Variants in GLIS3 observed in about 807,000 individuals in gnomAD.
The protein encoded by GLIS3 is GLIS family zinc finger 3, also known as zinc finger protein GLIS3.
In GLIS3, 53 loss-of-function variants were observed where a neutral mutation model predicts 78.6. The observed-to-expected ratio is 0.67, with a 90% confidence interval of 0.54 to 0.85. The LOEUF is 0.85. Ranked by LOEUF, GLIS3 falls within the 40% of genes least tolerant of loss-of-function variation. The probability of loss-of-function intolerance (pLI) is 0.00; values close to 1 mark genes in which losing one functional copy is unlikely to be tolerated. For missense variants in GLIS3, 1,703 were observed against 1,231.1 expected (o/e 1.38, Z -5.74); for synonymous variants, 684 against 509.9 (o/e 1.34, Z -4.60).
chr9:4,463,727 T>A, the GLIS3 span, among the ~76,000 whole-genome samples: 1 of 152,212 alleles, frequency 6.6e-6, no homozygotes. Flanking sequence ...GGATGCCTTT[T>A]GTCTGAGCTA....
At chr9:4,252,690 T>G (rs1445040474) in intron 2 of GLIS3, among the ~76,000 whole-genome samples, 1 of 152,148 alleles carries the variant, frequency 6.6e-6, no homozygotes, top group African/African-American at 2.4e-5. Context: ...AGAAGAGGTG[T>G]TCTGGGTTTT....
intron 2 of GLIS3, among the ~76,000 whole-genome samples, chr9:4,221,993 G>A (rs143259702): frequency 6.6e-6 from 1 of 152,204 alleles, no homozygotes; most frequent in African/African-American, 2.4e-5. Flanking sequence ...CCTGTGCACA[G>A]AACCAGAAAG....
At chr9:4,206,009 C>T (rs2380947) in intron 2 of GLIS3, among the ~76,000 whole-genome samples, 3 of 151,488 alleles carry the variant, frequency 2.0e-5, no homozygotes, top group Non-Finnish European at 4.4e-5. Context: ...ATGCAAGATA[C>T]CTGAATCTGA....
chr9:4,448,503 C>G, the GLIS3 span, among the ~76,000 whole-genome samples: 1 of 152,214 alleles, frequency 6.6e-6, no homozygotes, highest in Non-Finnish European at 1.5e-5. Flanking sequence ...AGTGATCTCC[C>G]CACTTCAGCC....
At chr9:4,239,283 G>A (rs551025554) in intron 2 of GLIS3, among the ~76,000 whole-genome samples, 3 of 150,746 alleles carry the variant, frequency 2.0e-5, no homozygotes, top group East Asian at 2.0e-4. Context: ...AAACCTGCAC[G>A]TTGTGCACAT....
At chr9:3,936,743 T>G (rs1161788058) in intron 5 of GLIS3, among the ~76,000 whole-genome samples, 1 of 152,214 alleles carries the variant, frequency 6.6e-6, no homozygotes, top group East Asian at 1.9e-4. Flanking sequence ...TAAAATCTAC[T>G]ACATGACAGC....
chr9:3,851,854 G>C (rs1819454405), intron 9 of GLIS3, among the ~76,000 whole-genome samples: 1 of 152,128 alleles, frequency 6.6e-6, no homozygotes, highest in South Asian at 2.1e-4. Flanking sequence ...TTAAGAATAT[G>C]GCTTGGGGCT....
intron 2 of GLIS3, among the ~76,000 whole-genome samples, chr9:4,138,741 C>A (rs1586781107): frequency 6.6e-6 from 1 of 152,180 alleles, no homozygotes; most frequent in African/African-American, 2.4e-5. Flanking sequence ...ATTGTTCCCA[C>A]CTTCATAAGG....
At chr9:3,933,268 T>G (rs1477123517) in intron 5 of GLIS3, among the ~76,000 whole-genome samples, 3 of 152,098 alleles carry the variant, frequency 2.0e-5, no homozygotes, top group African/African-American at 7.2e-5. Context: ...CTCTGCCTCC[T>G]GGGTTCAAGT....
At chr9:4,182,333 G>T (rs373813074) in intron 2 of GLIS3, among the ~76,000 whole-genome samples, 3 of 152,150 alleles carry the variant, frequency 2.0e-5, no homozygotes, top group East Asian at 3.8e-4. Context: ...CTACAGTGGT[G>T]TCGTCCGTAC....
chr9:4,403,288 C>T, the GLIS3 span, among the ~76,000 whole-genome samples: 1 of 152,308 alleles, frequency 6.6e-6, no homozygotes, highest in Admixed American at 6.5e-5. Context: ...CAACACCAGA[C>T]CTCTCCTACA....
intron 4 of GLIS3, among the ~76,000 whole-genome samples, chr9:4,057,824 G>C (rs544886211): frequency 6.6e-6 from 1 of 152,224 alleles, no homozygotes; most frequent in African/African-American, 2.4e-5. Context: ...TCGTCACTGA[G>C]AAAACTTCAG....
chr9:4,123,533 A>C (rs2130904242), intron 3 of GLIS3, among the ~76,000 whole-genome samples: 1 of 152,270 alleles, frequency 6.6e-6, no homozygotes, highest in South Asian at 2.1e-4. Flanking sequence ...ACAAAAGACT[A>C]ATTTTTAAAA....
At chr9:4,200,107 A>G (rs916147443) in intron 2 of GLIS3, among the ~76,000 whole-genome samples, 7 of 152,190 alleles carry the variant, frequency 4.6e-5, no homozygotes, top group African/African-American at 1.7e-4. Context: ...TTCAATATAA[A>G]TGAAAACAGA....
intron 2 of GLIS3, among the ~76,000 whole-genome samples, chr9:4,235,157 G>T (rs1399226600): frequency 6.6e-6 from 1 of 151,992 alleles, no homozygotes; most frequent in Admixed American, 6.6e-5. Context: ...AAAATCGCTG[G>T]GCGTGGTGGC....
chr9:3,889,845 G>A (rs766255301), intron 7 of GLIS3, among the ~76,000 whole-genome samples: 13 of 152,192 alleles, frequency 8.5e-5, no homozygotes, highest in East Asian at 1.9e-4. Flanking sequence ...GCAAAATCAC[G>A]GGGCAGGCCA....
intron 1 of GLIS3, chr9:4,298,495 C>G (rs900464464): frequency 4.5e-6 from 2 of 441,446 alleles, no homozygotes; most frequent in Non-Finnish European, 9.1e-6. Context: ...TAACTTGGAA[C>G]TGTCGCTCGG....
chr9:4,016,495 T>A (rs570659321), intron 4 of GLIS3, among the ~76,000 whole-genome samples: 1 of 152,250 alleles, frequency 6.6e-6, no homozygotes, highest in South Asian at 2.1e-4. Context: ...ACATAATACA[T>A]CAATTCAGAA....
At chr9:3,902,939 AG>A (rs1323605581) in intron 6 of GLIS3, among the ~76,000 whole-genome samples, 1 of 152,224 alleles carries the variant, frequency 6.6e-6, no homozygotes, top group Non-Finnish European at 1.5e-5. Flanking sequence ...TACTAGGAAA[AG>A]TCACAGGAGG....
Sources: gnomAD v4.1 joint callset for allele counts (sites outside exome capture counted in the v4.1 genomes callset) on GRCh38, gnomAD v4.1.1 for gene constraint, MANE v1.5 for transcripts, NCBI Gene and HGNC (gene_info 2026-07-23, HGNC 2026-07-21) for gene names.